XRCC4: variants seen among roughly 807,000 people sequenced by gnomAD.
XRCC4 encodes X-ray repair cross complementing 4, also known as DNA repair protein XRCC4.
Under a neutral mutation model 39.1 loss-of-function variants are expected in XRCC4, and 28 were observed. That is an observed-to-expected ratio of 0.72 (90% CI 0.53 to 0.98). The LOEUF is 0.98. XRCC4 is among the 50% of genes least tolerant of loss of function. XRCC4 has a pLI of 0.00. For synonymous variants in XRCC4, 123 were observed against 126.4 expected (o/e 0.97, Z 0.18); for missense variants, 350 against 376.4 (o/e 0.93, Z 0.58).
intron 3 of XRCC4, among the ~76,000 whole-genome samples, chr5:83,132,971 T>G (rs926957760): frequency 2.0e-5 from 3 of 152,116 alleles, no homozygotes; most frequent in Non-Finnish European, 4.4e-5. Context: ...GTGCTCTGAT[T>G]TTTAGAATTT....
intron 1 of XRCC4, among the ~76,000 whole-genome samples, chr5:83,084,653 C>T (rs1011909908): frequency 1.3e-5 from 2 of 152,026 alleles, no homozygotes; most frequent in Non-Finnish European, 2.9e-5. Flanking sequence ...TCAGCAGTAC[C>T]GAAATTTGCT....
chr5:83,251,374 A>G (rs1210806131), intron 6 of XRCC4, among the ~76,000 whole-genome samples: 1 of 151,942 alleles, frequency 6.6e-6, no homozygotes, highest in African/African-American at 2.4e-5. Context: ...AAATACAAAA[A>G]TTAGCTGGGT....
At chr5:83,331,437 C>T (rs988120958) in intron 7 of XRCC4, among the ~76,000 whole-genome samples, 1 of 152,064 alleles carries the variant, frequency 6.6e-6, no homozygotes, top group Admixed American at 6.6e-5. Flanking sequence ...CTCTTACACA[C>T]TGCTAAAGGG....
At chr5:83,137,410 G>A (rs1747952714) in intron 3 of XRCC4, among the ~76,000 whole-genome samples, 1 of 152,162 alleles carries the variant, frequency 6.6e-6, no homozygotes, top group African/African-American at 2.4e-5. Flanking sequence ...AGCAAGTTTA[G>A]TGAGGCAGCT....
intron 7 of XRCC4, among the ~76,000 whole-genome samples, chr5:83,324,980 T>C (rs1197570057): frequency 2.6e-5 from 4 of 152,156 alleles, no homozygotes; most frequent in Non-Finnish European, 4.4e-5. Context: ...TTGGCTACTT[T>C]GGGAACCCTT....
intron 3 of XRCC4, among the ~76,000 whole-genome samples, chr5:83,165,343 A>G (rs1554060348): frequency 6.6e-6 from 1 of 152,204 alleles, no homozygotes; most frequent in Non-Finnish European, 1.5e-5. Context: ...TATAGATACA[A>G]TTCCAATATT....
intron 1 of XRCC4, among the ~76,000 whole-genome samples, chr5:83,100,436 G>A (rs1745876693): frequency 6.6e-6 from 1 of 151,998 alleles, no homozygotes; most frequent in African/African-American, 2.4e-5. Flanking sequence ...CTGGAATATT[G>A]AATTTTAAAC....
chr5:83,161,107 T>C (rs1749184428), intron 3 of XRCC4, among the ~76,000 whole-genome samples: 1 of 108,516 alleles, frequency 9.2e-6, no homozygotes, highest in South Asian at 3.5e-4. Flanking sequence ...TTTCAGTTCT[T>C]TTAATTTTTT....
intron 7 of XRCC4, among the ~76,000 whole-genome samples, chr5:83,265,009 T>TA (rs1207397043): frequency 6.6e-6 from 1 of 152,122 alleles, no homozygotes; most frequent in South Asian, 2.1e-4. Context: ...TAGAAATACA[T>TA]ATATAGAGAG....
chr5:83,157,738 TTAAAA>T (rs1336241449), intron 3 of XRCC4, among the ~76,000 whole-genome samples: 5 of 151,538 alleles, frequency 3.3e-5, no homozygotes, highest in African/African-American at 9.7e-5. Flanking sequence ...GGAAGTAAAA[TTAAAA>T]TAAAAAGAGA....
intron 3 of XRCC4, among the ~76,000 whole-genome samples, chr5:83,187,905 G>C (rs889430724): frequency 6.6e-6 from 1 of 152,020 alleles, no homozygotes; most frequent in Non-Finnish European, 1.5e-5. Flanking sequence ...TGACTGTATT[G>C]AACAGGACAG....
intron 3 of XRCC4, among the ~76,000 whole-genome samples, chr5:83,178,589 G>A (rs1313444144): frequency 6.6e-6 from 1 of 152,116 alleles, no homozygotes; most frequent in South Asian, 2.1e-4. Context: ...AAAACAAAGG[G>A]CACTGATGGC....
At chr5:83,121,949 A>T (rs1358422940) in intron 3 of XRCC4, among the ~76,000 whole-genome samples, 1 of 151,892 alleles carries the variant, frequency 6.6e-6, no homozygotes, top group Non-Finnish European at 1.5e-5. Context: ...TCCCTGCTGA[A>T]TTTTTCTTGC....
chr5:83,165,884 TTTC>T (rs1749444337), intron 3 of XRCC4, among the ~76,000 whole-genome samples: 1 of 125,224 alleles, frequency 8.0e-6, no homozygotes, highest in South Asian at 2.7e-4. Context: ...TTCTTTTTTC[TTTC>T]TTTTTTTTTT....
At chr5:83,231,352 T>C (rs772586198) in intron 6 of XRCC4, among the ~76,000 whole-genome samples, 29 of 152,188 alleles carry the variant, frequency 1.9e-4, no homozygotes, top group Non-Finnish European at 2.9e-4. Context: ...TTTTGTTTTC[T>C]GTGTTCTAAA....
the XRCC4 span, among the ~76,000 whole-genome samples, chr5:83,372,833 T>C: frequency 6.6e-6 from 1 of 152,186 alleles, no homozygotes; most frequent in Non-Finnish European, 1.5e-5. Context: ...AAATGGGAAA[T>C]AAAAGTTTGA....
Position 83,203,721 on chromosome 5 carries a change from C to A in XRCC4, c.638+14C>A. The A allele has an allele frequency of 6.2e-7, 1 of 1,607,222 alleles. No homozygotes were observed. Among genetic ancestry groups the A allele is most frequent in the Non-Finnish European group, 8.5e-7 (1 of 1,177,366 alleles). On this transcript the variant is annotated intron_variant, in intron 5 of 7. Transcript: ENST00000396027. ...CAAACAAGAAGGGTATTTTCGCTATCTTGTTTTTGGATGACAGATGAATAC... is the reference window on the plus strand; with the variant it reads ...CAAACAAGAAGGGTATTTTCGCTATATTGTTTTTGGATGACAGATGAATAC...
chr5:83,308,030 A>G (rs912173742), intron 7 of XRCC4, among the ~76,000 whole-genome samples: 15 of 152,244 alleles, frequency 9.9e-5, no homozygotes, highest in African/African-American at 1.4e-4. Flanking sequence ...ATGGAGCCCT[A>G]AAAATTCCTC....
chr5:83,333,633 A>G (rs1157404441), intron 7 of XRCC4, among the ~76,000 whole-genome samples: 1 of 152,254 alleles, frequency 6.6e-6, no homozygotes, highest in Non-Finnish European at 1.5e-5. Context: ...TCTCATGCAT[A>G]GTATCAAAAC....
Sources: allele counts gnomAD v4.1 joint callset (sites outside exome capture counted in the v4.1 genomes callset), GRCh38; gene constraint gnomAD v4.1.1; transcripts MANE v1.5; gene names NCBI Gene and HGNC (gene_info 2026-07-23, HGNC 2026-07-21).